Variants in PARP16 observed in about 807,000 individuals in gnomAD.
PARP16 encodes protein mono-ADP-ribosyltransferase PARP16.
In PARP16, 31 loss-of-function variants were observed where a neutral mutation model predicts 35.0. The observed-to-expected ratio is 0.88, with a 90% CI of 0.66 to 1.19. The LOEUF (loss-of-function observed/expected upper bound fraction) is 1.19, where lower values mean the gene tolerates loss of function less well. Ranked by LOEUF, PARP16 falls within the 50% of genes most tolerant of loss-of-function variation. PARP16 has a pLI of 0.00. For synonymous variants in PARP16, 162 were observed against 169.5 expected (o/e 0.96, Z 0.34); for missense variants, 424 against 411.2 (o/e 1.03, Z -0.27).
intron 3 of PARP16, among the ~76,000 whole-genome samples, chr15:65,243,474 A>G (rs1208929601): frequency 6.6e-6 from 1 of 151,772 alleles, no homozygotes; most frequent in African/African-American, 2.4e-5. Flanking sequence ...TGGCCTTGAA[A>G]TCCTGAGCTC....
intron 1 of PARP16, among the ~76,000 whole-genome samples, chr15:65,280,877 T>C (rs1473043420): frequency 1.3e-5 from 2 of 152,168 alleles, no homozygotes; most frequent in African/African-American, 4.8e-5. Flanking sequence ...GCACCCCAAA[T>C]GAGAACAGGG....
chr15:65,245,920 C>T (rs1463384819), intron 3 of PARP16, among the ~76,000 whole-genome samples: 1 of 152,072 alleles, frequency 6.6e-6, no homozygotes, highest in Admixed American at 6.6e-5. Flanking sequence ...TAGTTCTGGC[C>T]CCAAGCAGAG....
At chr15:65,267,145 G>A (rs2089923043) in intron 2 of PARP16, among the ~76,000 whole-genome samples, 1 of 152,098 alleles carries the variant, frequency 6.6e-6, no homozygotes, top group Non-Finnish European at 1.5e-5. Context: ...GGAGGCTGAG[G>A]CAGAAGAATC....
intron 3 of PARP16, among the ~76,000 whole-genome samples, chr15:65,241,392 T>C (rs1486250699): frequency 6.6e-6 from 1 of 152,040 alleles, no homozygotes; most frequent in East Asian, 1.9e-4. Flanking sequence ...CCGCCCACCT[T>C]GGCCTCCCAA....
intron 1 of PARP16, among the ~76,000 whole-genome samples, chr15:65,279,406 A>G (rs2090352927): frequency 1.3e-5 from 2 of 152,116 alleles, no homozygotes; most frequent in African/African-American, 2.4e-5. Context: ...GGATCGTTGG[A>G]AGGAAAGAGA....
At chr15:65,269,176 TTTTC>T (rs58938798) in intron 2 of PARP16, among the ~76,000 whole-genome samples, 2,611 of 146,132 alleles carry the variant, frequency 0.018, 43 homozygotes, top group Middle Eastern at 0.032. Context: ...TAGTCGGTTT[TTTTC>T]TTTCTTTCTT....
At chr15:65,233,112 T>C (rs1415656684), downstream of PARP16, among the ~76,000 whole-genome samples, 1 of 152,228 alleles carries the variant, frequency 6.6e-6, no homozygotes. Flanking sequence ...AATACTGAAC[T>C]GTACACTTAA....
chr15:65,266,321 G>A (rs926179229), intron 3 of PARP16, among the ~76,000 whole-genome samples: 1 of 152,204 alleles, frequency 6.6e-6, no homozygotes, highest in Non-Finnish European at 1.5e-5. Flanking sequence ...ATCACCTAGA[G>A]ATCTTGTTAA....
intron 3 of PARP16, among the ~76,000 whole-genome samples, chr15:65,240,537 T>C (rs543351412): frequency 1.3e-4 from 20 of 152,320 alleles, no homozygotes; most frequent in Non-Finnish European, 2.1e-4. Context: ...TACTCTTTTT[T>C]ATATGGCTTA....
At chr15:65,262,536 G>A (rs1221839348) in intron 4 of PARP16, among the ~76,000 whole-genome samples, 2 of 152,160 alleles carry the variant, frequency 1.3e-5, no homozygotes, top group Non-Finnish European at 2.9e-5. Flanking sequence ...TAGTCTCAGG[G>A]ACACAGTAGG....
intron 1 of PARP16, among the ~76,000 whole-genome samples, chr15:65,274,617 T>G (rs914080439): frequency 6.7e-6 from 1 of 150,160 alleles, no homozygotes; most frequent in Admixed American, 6.6e-5. Flanking sequence ...AAATGCTCCA[T>G]GAGTATTGGT....
At chr15:65,245,255 C>T (rs907639934) in intron 3 of PARP16, among the ~76,000 whole-genome samples, 3 of 152,232 alleles carry the variant, frequency 2.0e-5, no homozygotes, top group Non-Finnish European at 4.4e-5. Flanking sequence ...CTAACCTCCC[C>T]TGACCTGGGC....
intron 3 of PARP16, among the ~76,000 whole-genome samples, chr15:65,245,198 G>A (rs942886213): frequency 1.3e-5 from 2 of 152,224 alleles, no homozygotes; most frequent in African/African-American, 4.8e-5. Context: ...AAGAGCCTGT[G>A]GGGGAGGCAC....
chr15:65,282,328 C>G (rs1465523970), intron 1 of PARP16, among the ~76,000 whole-genome samples: 2 of 152,138 alleles, frequency 1.3e-5, no homozygotes, highest in African/African-American at 4.8e-5. Flanking sequence ...TTTAACAGCT[C>G]CATACTTTCC....
rs745395534 is a variant in PARP16, at chr15:65,266,735, G to A, written c.346C>T (p.His116Tyr). The change falls in exon 3 of 6, where the codon CAC (histidine) becomes TAC (tyrosine). Residue 116 changes from histidine to tyrosine, a missense_variant. Coordinates refer to ENST00000649807, the MANE Select transcript of PARP16 (RefSeq NM_001316943.2). ...AAGTCCGGTGCAGGAACAGGCGTGT[G>A]AGGAGCCCCAGTCAGCTTTTGGATC... ...EKIQKLTGAP[H>Y]TPVPAPDFLF... 2.5e-6 allele frequency: 4 copies of A among 1,613,978 alleles called. No homozygotes were observed.
At chr15:65,265,288 C>G (rs905309501) in intron 3 of PARP16, among the ~76,000 whole-genome samples, 2 of 152,202 alleles carry the variant, frequency 1.3e-5, no homozygotes, top group East Asian at 3.8e-4. Context: ...TTCCTTGGTA[C>G]TTAGTACACA....
At chr15:65,241,719 T>C (rs907887252) in intron 3 of PARP16, among the ~76,000 whole-genome samples, 1 of 152,184 alleles carries the variant, frequency 6.6e-6, no homozygotes, top group Non-Finnish European at 1.5e-5. Context: ...TATATATTTT[T>C]ATGTATTCTA....
rs58397272 is a variant in PARP16, at chr15:65,277,559, C to A, written c.175-6487G>T. 3.5e-3 allele frequency among the ~76,000 whole-genome samples: 539 copies of A among 152,316 alleles called. 5 individuals are homozygous for A. The highest frequency in any genetic ancestry group is 0.012 in the African/African-American group (498 of 41,568). ...TGTTATCTCATGTTATTCTCATAAC[C>A]TGTTTTGAAGATGAGGAAACTGAGG... On this transcript the variant is annotated intron_variant, in intron 1 of 5. Transcript: ENST00000649807.
chr15:65,261,165 T>A, intron 4 of PARP16, 139 bp from the exon 5 acceptor site: 1 of 678,852 alleles, frequency 1.5e-6, no homozygotes, highest in Admixed American at 2.9e-5. Flanking sequence ...TGTGTGTGCA[T>A]GAAGCAGCAC....
Sources: allele counts gnomAD v4.1 joint callset (sites outside exome capture counted in the v4.1 genomes callset), GRCh38; gene constraint gnomAD v4.1.1; transcripts MANE v1.5; gene names NCBI Gene and HGNC (gene_info 2026-07-23, HGNC 2026-07-21).